Variants in ATOSA observed in about 807,000 individuals in gnomAD.
ATOSA encodes the protein atos homolog protein A.
chr15:52,679,788 CCTCCT>C, the ATOSA span, among the ~76,000 whole-genome samples: 22 of 88,248 alleles, frequency 2.5e-4, 2 homozygotes, highest in Non-Finnish European at 4.5e-4. Flanking sequence ...TCCTCCTCCT[CCTCCT>C]CCCCCCTCCC....
the ATOSA span, among the ~76,000 whole-genome samples, chr15:52,623,733 G>A: frequency 9.2e-5 from 14 of 152,314 alleles, no homozygotes; most frequent in African/African-American, 3.4e-4. Context: ...AGTAGATGGT[G>A]ATGATGGAAG....
At chr15:52,702,695 A>T in the ATOSA span, among the ~76,000 whole-genome samples, 1 of 150,730 alleles carries the variant, frequency 6.6e-6, no homozygotes. Flanking sequence ...ACTGTACCCC[A>T]CACCTCAGTA....
the ATOSA span, chr15:52,658,801 C>CAAAA: frequency 8.1e-4 from 214 of 263,168 alleles, no homozygotes; most frequent in Middle Eastern, 3.6e-3. Context: ...CTCGTTTCTA[C>CAAAA]AAAAAAAAAA....
At chr15:52,678,342 GAC>G in the ATOSA span, 1 of 513,230 alleles carries the variant, frequency 1.9e-6, no homozygotes, top group African/African-American at 1.9e-5. Flanking sequence ...GTGTCCTTCT[GAC>G]ACAGTCTCTG....
the ATOSA span, among the ~76,000 whole-genome samples, chr15:52,603,796 T>A: frequency 1.3e-5 from 2 of 152,138 alleles, no homozygotes; most frequent in East Asian, 3.9e-4. Context: ...CTAATGAAGA[T>A]AAAGGGTATA....
the ATOSA span, among the ~76,000 whole-genome samples, chr15:52,648,013 G>C: frequency 6.6e-6 from 1 of 152,128 alleles, no homozygotes; most frequent in Non-Finnish European, 1.5e-5. Flanking sequence ...AAACCTAGAA[G>C]TGTATCTTAG....
the ATOSA span, chr15:52,610,413 T>C: frequency 2.6e-6 from 4 of 1,565,700 alleles, no homozygotes; most frequent in South Asian, 1.2e-5. Flanking sequence ...TACTGTATTA[T>C]TGGATTATAA....
the ATOSA span, among the ~76,000 whole-genome samples, chr15:52,692,426 T>G: frequency 6.6e-6 from 1 of 151,822 alleles, no homozygotes; most frequent in African/African-American, 2.4e-5. Flanking sequence ...GCGTGATCCC[T>G]GCTTACTGCA....
chr15:52,702,779 CAAAAAAAA>C, the ATOSA span, among the ~76,000 whole-genome samples: 56 of 91,910 alleles, frequency 6.1e-4, no homozygotes, highest in Admixed American at 6.6e-3. Context: ...AAAGTGTTTC[CAAAAAAAA>C]AAAAAAAAAA....
the ATOSA span, chr15:52,584,771 C>A: frequency 6.2e-7 from 1 of 1,613,582 alleles, no homozygotes. Flanking sequence ...AGCGTAATAA[C>A]CGTTCTTCTG....
the ATOSA span, among the ~76,000 whole-genome samples, chr15:52,685,626 GT>G: frequency 6.6e-6 from 1 of 152,128 alleles, no homozygotes; most frequent in Non-Finnish European, 1.5e-5. Context: ...TTGAGAAGGA[GT>G]TTTGCCATGT....
chr15:52,597,707 A>C, the ATOSA span, among the ~76,000 whole-genome samples: 1 of 152,238 alleles, frequency 6.6e-6, no homozygotes, highest in African/African-American at 2.4e-5. Context: ...GATGATGACA[A>C]GGTTTTGCAG....
the ATOSA span, among the ~76,000 whole-genome samples, chr15:52,637,493 G>C: frequency 6.6e-6 from 1 of 152,130 alleles, no homozygotes; most frequent in Non-Finnish European, 1.5e-5. Context: ...CAAAAACGTA[G>C]TAATTGAGTC....
chr15:52,605,248 T>C, the ATOSA span: 4 of 1,568,120 alleles, frequency 2.6e-6, no homozygotes, highest in Non-Finnish European at 3.5e-6. Context: ...TGTAGTCCTC[T>C]GTTAGGAAAA....
chr15:52,613,157 G>C, the ATOSA span, among the ~76,000 whole-genome samples: 1 of 152,140 alleles, frequency 6.6e-6, no homozygotes, highest in African/African-American at 2.4e-5. Flanking sequence ...CATGAGGTCA[G>C]GAGTTCAAGA....
the ATOSA span, among the ~76,000 whole-genome samples, chr15:52,646,489 T>A: frequency 2.0e-5 from 3 of 152,178 alleles, no homozygotes; most frequent in Admixed American, 6.5e-5. Context: ...CATTCCAGGC[T>A]GGTCCTTTTG....
At chr15:52,635,077 A>G in the ATOSA span, among the ~76,000 whole-genome samples, 1 of 152,230 alleles carries the variant, frequency 6.6e-6, no homozygotes, top group Non-Finnish European at 1.5e-5. Context: ...AATGATAAAA[A>G]AGCCAATCAC....
chr15:52,636,726 A>T, the ATOSA span, among the ~76,000 whole-genome samples: 1 of 152,156 alleles, frequency 6.6e-6, no homozygotes, highest in Non-Finnish European at 1.5e-5. Context: ...GATAAACAAA[A>T]ACCAGGAATT....
At chr15:52,653,134 T>G in the ATOSA span, among the ~76,000 whole-genome samples, 1 of 152,116 alleles carries the variant, frequency 6.6e-6, no homozygotes, top group Non-Finnish European at 1.5e-5. Flanking sequence ...TTTGTGGGAG[T>G]AGGCTGAGGC....
Sources: allele counts gnomAD v4.1 joint callset (sites outside exome capture counted in the v4.1 genomes callset), GRCh38; gene constraint gnomAD v4.1.1; transcripts MANE v1.5; gene names NCBI Gene and HGNC (gene_info 2026-07-23, HGNC 2026-07-21).